KLF3: variants seen among roughly 807,000 people sequenced by gnomAD.
KLF3 encodes Krueppel-like factor 3.
KLF3 carries 6 observed loss-of-function variants against 32.7 expected under a neutral mutation model. That is an observed-to-expected ratio of 0.18 (90% confidence interval 0.10 to 0.36). The LOEUF is 0.36. Ranked by LOEUF, KLF3 falls within the 10% of genes least tolerant of loss-of-function variation. The pLI is 1.00. For synonymous variants in KLF3, 145 were observed against 172.8 expected, an observed-to-expected ratio of 0.84 and a Z score of 1.26; for missense variants, 338 against 449.7, an observed-to-expected ratio of 0.75 and a Z score of 2.25.
intron 5 of KLF3, among the ~76,000 whole-genome samples, chr4:38,695,417 C>G (rs1048950841): frequency 3.9e-5 from 6 of 152,124 alleles, no homozygotes; most frequent in Admixed American, 1.3e-4. Context: ...TATGCCGTTG[C>G]CTACCATATT....
rs1027925194 is a variant in KLF3 at position 38,688,397 on chromosome 4, A to G, written c.58-188A>G. The stretch of plus-strand genomic sequence containing the variant: ...TTTAATATTTTTGAGACCGCCTCTC[A>G]TAGCATTTTTAATGTTGAGACCACC... On this transcript the variant is annotated intron_variant, in intron 2 of 5. Coordinates refer to ENST00000261438, the MANE Select transcript of KLF3 (RefSeq NM_016531.6). This position sits in a 1 kb window ranked among gnomAD's most constrained non-coding sequence, Gnocchi z 4.9. 6.6e-6 allele frequency among the ~76,000 whole-genome samples: 1 copy of G among 152,218 alleles called. No individual in the cohort carries two copies. Among genetic ancestry groups the G allele is most frequent in the Non-Finnish European group, 1.5e-5 (1 of 68,038 alleles).
chr4:38,689,338 G>A (rs1722805350), intron 3 of KLF3, among the ~76,000 whole-genome samples: 1 of 152,144 alleles, frequency 6.6e-6, no homozygotes, highest in African/African-American at 2.4e-5. Context: ...TTGACTTTAT[G>A]TTGCTTTCTT....
intron 2 of KLF3, among the ~76,000 whole-genome samples, chr4:38,681,271 T>C (rs1273901296): frequency 1.3e-5 from 2 of 152,050 alleles, no homozygotes; most frequent in East Asian, 3.9e-4. Context: ...ATGACAGAAG[T>C]AAGTTTACAA....
intron 1 of KLF3, among the ~76,000 whole-genome samples, chr4:38,675,544 AG>A (rs1490710331): frequency 6.6e-6 from 1 of 152,226 alleles, no homozygotes; most frequent in Non-Finnish European, 1.5e-5. Flanking sequence ...AATAGTCGTC[AG>A]AAAAAAATAG....
chr4:38,689,285 T>C (rs1463307392), intron 3 of KLF3, among the ~76,000 whole-genome samples: 1 of 152,180 alleles, frequency 6.6e-6, no homozygotes, highest in Non-Finnish European at 1.5e-5. Flanking sequence ...CATGACATGA[T>C]TACTTTCACT....
rs2109260131 is a variant in KLF3, at chr4:38,698,637, C to T, written c.*1374C>T. On this transcript the variant is annotated 3_prime_UTR_variant, in exon 6 of 6. Transcript: ENST00000261438. ...TGTTAGAGTTGGCAATTTCCTATCA[C>T]TATTTCAGTGTCAGAACAAACTGAA... 1 of 152,476 alleles carries T rather than the reference C, an allele frequency of 6.6e-6. No individual in the cohort carries two copies. The highest frequency in any genetic ancestry group is 3.4e-3 in the Middle Eastern group (1 of 294). The allele number at this position is 152,476 out of a possible 1,614,324, so 9.4% of individuals were successfully genotyped here.
rs191355716 is a variant in KLF3 at position 38,689,914 on chromosome 4, G to A, written c.695+35G>A. 3.8e-6 allele frequency: 6 copies of A among 1,580,246 alleles called. No homozygotes were observed. In the African/African-American group the frequency reaches 6.9e-5, roughly 18 times the overall value. ...TTTAGGTCTACCCAGCATTTGCATA[G>A]TAGTGTGCATCTTGGAACCTGGAGC... On this transcript the variant is annotated intron_variant, in intron 4 of 5. Transcript: ENST00000261438.
At chr4:38,693,143 T>TACAC (rs1722935099) in intron 4 of KLF3, among the ~76,000 whole-genome samples, 1 of 138,400 alleles carries the variant, frequency 7.2e-6, no homozygotes, top group African/African-American at 2.6e-5. Flanking sequence ...TATATATATG[T>TACAC]GTATATATAT....
chr4:38,692,870 G>T (rs1722913730), intron 4 of KLF3, among the ~76,000 whole-genome samples: 1 of 151,788 alleles, frequency 6.6e-6, no homozygotes, highest in African/African-American at 2.4e-5. Context: ...TTCTACCCCA[G>T]CACTTTATTT....
rs1321548436 is a variant in KLF3 at position 38,688,838 on chromosome 4, T to C, written c.311T>C (p.Ile104Thr). ...GLSMPSSSPP[I>T]KKYSPPSPGV... ...AGCATGCCTTCTTCCAGCCCACCGATAAAAAAATACTCACCCCCTTCTCCA... is the reference window on the plus strand; with the variant it reads ...AGCATGCCTTCTTCCAGCCCACCGACAAAAAAATACTCACCCCCTTCTCCA... The change falls in exon 3 of 6, where the codon ATA (isoleucine) becomes ACA (threonine). Residue 104 changes from isoleucine (I) to threonine (T), a missense_variant. Ile to Thr is a moderately conservative substitution (Grantham distance 89, BLOSUM62 -1). Around this residue, in one of 2 missense-constraint regions of KLF3, gnomAD observed 272 missense variants for 313.4 expected, o/e 0.87. Coordinates refer to ENST00000261438, the MANE Select transcript of KLF3 (RefSeq NM_016531.6). This position sits in a 1 kb window ranked among gnomAD's most constrained non-coding sequence, Gnocchi z 4.9. 4 of 1,614,030 alleles carry C rather than the reference T, an allele frequency of 2.5e-6. No individual in the cohort carries two copies. The highest frequency in any genetic ancestry group is 2.2e-5 in the East Asian group (1 of 44,880).
At chr4:38,682,787 A>G (rs532520781) in intron 2 of KLF3, among the ~76,000 whole-genome samples, 1 of 152,352 alleles carries the variant, frequency 6.6e-6, no homozygotes, top group East Asian at 1.9e-4. Context: ...AAGTTAAAAT[A>G]TGTAGAACTG....
intron 1 of KLF3, among the ~76,000 whole-genome samples, chr4:38,675,596 A>G (rs1291587524): frequency 6.6e-6 from 1 of 152,206 alleles, no homozygotes; most frequent in East Asian, 1.9e-4. Flanking sequence ...ATACCCACAT[A>G]AAATGATTAA....
intron 1 of KLF3, among the ~76,000 whole-genome samples, chr4:38,677,588 G>A (rs760027695): frequency 6.6e-6 from 1 of 152,174 alleles, no homozygotes; most frequent in African/African-American, 2.4e-5. Flanking sequence ...CATGAAGTGG[G>A]GAGATGCTGG....
chr4:38,688,940 G>T lies in KLF3; in HGVS notation c.413G>T (p.Ser138Ile). Residue 138 changes from serine to isoleucine, a missense_variant, in exon 3 of 6, where the codon AGC becomes ATC. By Grantham distance (142) the Ser-to-Ile change is moderately radical. Transcript: ENST00000261438. The surrounding 1 kb of genome is among the most constrained non-coding windows in gnomAD (Gnocchi z 4.9). ...GCCCTCTCGCGGCATGGAATACGGA[G>T]CCCGGGGATCCTGCCCGTCATCCAG... ...AAALSRHGIR[S>I]PGILPVIQPV... is the part of the protein sequence containing the mutation. 1 of 1,614,238 alleles carries T rather than the reference G, an allele frequency of 6.2e-7. No individual in the cohort carries two copies. Among genetic ancestry groups the T allele is most frequent in the Non-Finnish European group, 8.5e-7 (1 of 1,180,040 alleles).
chr4:38,678,082 T>C (rs1304232551), intron 1 of KLF3, among the ~76,000 whole-genome samples: 1 of 151,220 alleles, frequency 6.6e-6, no homozygotes, highest in African/African-American at 2.5e-5. Context: ...AATGCTTTAA[T>C]TTAGAAGCAT....
chr4:38,685,870 T>G (rs1274309070), intron 2 of KLF3, among the ~76,000 whole-genome samples: 2 of 152,188 alleles, frequency 1.3e-5, no homozygotes, highest in Non-Finnish European at 2.9e-5. Flanking sequence ...CCTGAAACCC[T>G]CCAGTGTACA....
At chr4:38,684,541 GTTTTTTTT>G (rs139709836) in intron 2 of KLF3, among the ~76,000 whole-genome samples, 1 of 109,176 alleles carries the variant, frequency 9.2e-6, no homozygotes. Flanking sequence ...GGTTTTTTGT[GTTTTTTTT>G]TTTTTTTTTT....
rs965621612 is a variant in KLF3, at chr4:38,688,396, CAT to C, written c.58-187_58-186del. Reference sequence around the variant, plus strand: ...TTTTAATATTTTTGAGACCGCCTCTCATAGCATTTTTAATGTTGAGACCACCT... The same window carrying C: ...TTTTAATATTTTTGAGACCGCCTCTCAGCATTTTTAATGTTGAGACCACCT... On this transcript the variant is annotated intron_variant, in intron 2 of 5. Transcript: ENST00000261438. The surrounding 1 kb of genome is among the most constrained non-coding windows in gnomAD (Gnocchi z 4.9). Among the ~76,000 whole-genome samples, 1 of 152,218 alleles carries C rather than the reference CAT, an allele frequency of 6.6e-6. No individual in the cohort carries two copies. The highest frequency in any genetic ancestry group is 2.4e-5 in the African/African-American group (1 of 41,442).
At position 38,695,855 on chromosome 4, in the gene KLF3, G is replaced by C. The variant is rs73808532; in HGVS notation, c.856+949G>C. Reference sequence around the variant, plus strand: ...GCATCTGTGTACATTTTCCTTAGCAGTGTAGGTTGCTTTTCTGAGTCTTGC... The same window carrying C: ...GCATCTGTGTACATTTTCCTTAGCACTGTAGGTTGCTTTTCTGAGTCTTGC... On this transcript the variant is annotated intron_variant, in intron 5 of 5. Transcript: ENST00000261438. Among the ~76,000 whole-genome samples the C allele has an allele frequency of 3.4e-3, 514 of 152,312 alleles. 4 individuals are homozygous for C. Among genetic ancestry groups the C allele is most frequent in the African/African-American group, 0.011 (460 of 41,548 alleles).
Sources: gnomAD v4.1 joint callset for allele counts (sites outside exome capture counted in the v4.1 genomes callset) on GRCh38, gnomAD v4.1.1 for gene constraint, gnomAD v4.1.1 regional missense constraint, Gnocchi (gnomAD v3.1) non-coding constraint, MANE v1.5 for transcripts, NCBI Gene and HGNC (gene_info 2026-07-23, HGNC 2026-07-21) for gene names.